Variants in CNTN6 observed in about 807,000 individuals in gnomAD.
CNTN6 encodes contactin-6.
A neutral mutation model predicts 122.8 loss-of-function variants in CNTN6; 137 were observed. The ratio of observed to expected loss-of-function variants is 1.12; its 90% CI spans 0.97 to 1.29. The LOEUF (loss-of-function observed/expected upper bound fraction) is 1.29, where lower values mean the gene tolerates loss of function less well. CNTN6 is among the 50% of genes most tolerant of loss of function. The pLI is 0.00. For synonymous variants in CNTN6, 570 were observed against 426.0 expected (o/e 1.34, Z -4.16); for missense variants, 1,634 against 1,223.4 (o/e 1.34, Z -5.01).
intron 4 of CNTN6, among the ~76,000 whole-genome samples, chr3:1,265,519 C>G (rs933289763): frequency 6.6e-6 from 1 of 152,194 alleles, no homozygotes; most frequent in Non-Finnish European, 1.5e-5. Context: ...TTGATAAACA[C>G]ATGTCTATAG....
intron 8 of CNTN6, 41 bp downstream of exon 8, chr3:1,321,875 A>G (rs1378186802): frequency 1.4e-6 from 2 of 1,476,890 alleles, no homozygotes; most frequent in Non-Finnish European, 1.8e-6. Context: ...AATATTTGGT[A>G]ATGCCCTTCA....
intron 12 of CNTN6, among the ~76,000 whole-genome samples, chr3:1,372,032 A>G (rs1709086333): frequency 6.6e-6 from 1 of 152,174 alleles, no homozygotes; most frequent in Non-Finnish European, 1.5e-5. Context: ...TATATATGGA[A>G]TGCCATTTTT....
intron 4 of CNTN6, among the ~76,000 whole-genome samples, chr3:1,245,807 T>G (rs558838252): frequency 6.6e-6 from 1 of 152,248 alleles, no homozygotes; most frequent in African/African-American, 2.4e-5. Flanking sequence ...GAAATGTTAA[T>G]TATGTTTTAA....
intron 1 of CNTN6, among the ~76,000 whole-genome samples, chr3:1,131,076 AGCTGGCTGCTGCTAAGGTCT>A (rs1346405830): frequency 3.3e-5 from 5 of 152,130 alleles, no homozygotes; most frequent in African/African-American, 1.2e-4. Context: ...TGTTCCATAA[AGCTGGCTGCTGCTAAGGTCT>A]GCTCTGATAC....
chr3:1,238,462 A>T (rs2094446818), intron 4 of CNTN6, among the ~76,000 whole-genome samples: 1 of 152,216 alleles, frequency 6.6e-6, no homozygotes, highest in South Asian at 2.1e-4. Flanking sequence ...TATACCTAAG[A>T]AATGAGATAG....
At chr3:1,171,686 A>G (rs1350456037) in intron 2 of CNTN6, among the ~76,000 whole-genome samples, 2 of 152,082 alleles carry the variant, frequency 1.3e-5, no homozygotes, top group African/African-American at 4.8e-5. Flanking sequence ...AATTCATTGC[A>G]GCCTCGACCT....
intron 2 of CNTN6, among the ~76,000 whole-genome samples, chr3:1,173,753 T>C (rs1023350015): frequency 2.0e-5 from 3 of 150,378 alleles, no homozygotes; most frequent in African/African-American, 7.4e-5. Context: ...TGGAACTGCC[T>C]GTTTCCTGTA....
chr3:1,358,699 C>T (rs1015064307), intron 12 of CNTN6, among the ~76,000 whole-genome samples: 1 of 151,960 alleles, frequency 6.6e-6, no homozygotes, highest in African/African-American at 2.4e-5. Context: ...CTCATCCCAA[C>T]ATGAAACGTT....
intron 7 of CNTN6, among the ~76,000 whole-genome samples, chr3:1,320,940 CTT>C (rs1033282104): frequency 1.1e-4 from 16 of 151,582 alleles, no homozygotes; most frequent in African/African-American, 3.6e-4. Flanking sequence ...AATAAAGTAA[CTT>C]TATTTACAAG....
intron 7 of CNTN6, among the ~76,000 whole-genome samples, chr3:1,320,582 C>G (rs1700708631): frequency 6.6e-6 from 1 of 151,252 alleles, no homozygotes; most frequent in Non-Finnish European, 1.5e-5. Context: ...TGACTTACTA[C>G]CATTATTATT....
rs189566999 is a variant in CNTN6 at position 1,373,773 on chromosome 3, A to G, written c.1945+11A>G. 49 of 1,584,032 alleles carry G rather than the reference A, an allele frequency of 3.1e-5. No individual in the cohort carries two copies. In the East Asian group the frequency reaches 9.9e-4, roughly 32 times the overall value. ...AGGCTGTTGCTACAGGTGAGTGACA[A>G]AAGTGTTTTGGGTCACTTTAAAAAT... is the stretch of plus-strand genomic sequence containing the variant. On this transcript the variant is annotated intron_variant, in intron 15 of 22. Coordinates refer to ENST00000446702, the MANE Select transcript of CNTN6 (RefSeq NM_001289080.2).
intron 2 of CNTN6, among the ~76,000 whole-genome samples, chr3:1,218,888 A>G (rs1385448241): frequency 6.6e-6 from 1 of 152,224 alleles, no homozygotes; most frequent in Non-Finnish European, 1.5e-5. Flanking sequence ...TTTAACAACA[A>G]CAACAAAAAT....
At chr3:1,228,604 A>C (rs2094315762) in intron 4 of CNTN6, among the ~76,000 whole-genome samples, 1 of 152,162 alleles carries the variant, frequency 6.6e-6, no homozygotes, top group Admixed American at 6.6e-5. Flanking sequence ...CAGGGACTGA[A>C]ATGTTTCATA....
chr3:1,234,796 T>A (rs924676362), intron 4 of CNTN6, among the ~76,000 whole-genome samples: 6 of 152,216 alleles, frequency 3.9e-5, no homozygotes, highest in Non-Finnish European at 7.3e-5. Flanking sequence ...TCAGTATCAT[T>A]TGCAAATAGC....
At chr3:1,388,063 G>A (rs1057084110) in intron 20 of CNTN6, among the ~76,000 whole-genome samples, 1 of 151,472 alleles carries the variant, frequency 6.6e-6, no homozygotes, top group Non-Finnish European at 1.5e-5. Context: ...GCCCACCACA[G>A]CTCAAGGAGG....
At chr3:1,168,989 T>TA (rs551275519) in intron 2 of CNTN6, among the ~76,000 whole-genome samples, 89 of 152,202 alleles carry the variant, frequency 5.8e-4, no homozygotes, top group African/African-American at 2.1e-3. Context: ...AAAAGGCGTA[T>TA]TCCTGGCAAG....
At chr3:1,228,607 G>C (rs1025947907) in intron 4 of CNTN6, among the ~76,000 whole-genome samples, 7 of 152,120 alleles carry the variant, frequency 4.6e-5, no homozygotes, top group Non-Finnish European at 7.4e-5. Context: ...GGACTGAAAT[G>C]TTTCATACTG....
intron 1 of CNTN6, among the ~76,000 whole-genome samples, chr3:1,117,727 G>T (rs2091781756): frequency 1.3e-5 from 2 of 152,168 alleles, no homozygotes; most frequent in Admixed American, 6.5e-5. Flanking sequence ...GGGCAAACCA[G>T]AAATGCTGAC....
chr3:1,397,267 G>A (rs563842532), intron 20 of CNTN6, among the ~76,000 whole-genome samples: 1 of 152,222 alleles, frequency 6.6e-6, no homozygotes, highest in South Asian at 2.1e-4. Flanking sequence ...GAAAAGAACA[G>A]TGAAGAAAAT....
Sources: allele counts gnomAD v4.1 joint callset (sites outside exome capture counted in the v4.1 genomes callset), GRCh38; gene constraint gnomAD v4.1.1; transcripts MANE v1.5; gene names NCBI Gene and HGNC (gene_info 2026-07-23, HGNC 2026-07-21).